PDLIM5: variants seen among roughly 807,000 people sequenced by gnomAD.
PDLIM5 encodes the protein PDZ and LIM domain protein 5.
A neutral mutation model predicts 64.2 loss-of-function variants in PDLIM5; 34 were observed. That is an observed-to-expected ratio of 0.53 (90% CI 0.40 to 0.71). The LOEUF (loss-of-function observed/expected upper bound fraction) is 0.71, where lower values mean the gene tolerates loss of function less well. PDLIM5 is among the 30% of genes least tolerant of loss of function. The pLI is 0.00. For missense variants in PDLIM5, 683 were observed against 733.6 expected (o/e 0.93, Z 0.80); for synonymous variants, 253 against 269.1 (o/e 0.94, Z 0.59).
At chr4:94,480,876 G>A (rs775672990) in intron 2 of PDLIM5, among the ~76,000 whole-genome samples, 3 of 152,138 alleles carry the variant, frequency 2.0e-5, no homozygotes, top group Non-Finnish European at 4.4e-5. Context: ...AAAACTGATC[G>A]TATTAGTCCT....
intron 8 of PDLIM5, among the ~76,000 whole-genome samples, chr4:94,638,778 A>G (rs909129397): frequency 2.6e-5 from 4 of 152,188 alleles, no homozygotes; most frequent in Non-Finnish European, 4.4e-5. Context: ...GTTGGTTTCA[A>G]TCCTCACTGT....
chr4:94,551,549 T>C (rs1291653671), intron 3 of PDLIM5, among the ~76,000 whole-genome samples: 2 of 152,170 alleles, frequency 1.3e-5, no homozygotes, highest in Non-Finnish European at 2.9e-5. Context: ...TTTCACTTCA[T>C]AGCCCATATT....
At chr4:94,561,404 A>G (rs1454131862) in intron 3 of PDLIM5, among the ~76,000 whole-genome samples, 1 of 152,224 alleles carries the variant, frequency 6.6e-6, no homozygotes, top group Non-Finnish European at 1.5e-5. Flanking sequence ...ACATTTTAGA[A>G]AAGCAGCCAA....
At chr4:94,517,973 T>C (rs1729508694) in intron 2 of PDLIM5, among the ~76,000 whole-genome samples, 1 of 152,200 alleles carries the variant, frequency 6.6e-6, no homozygotes, top group Admixed American at 6.6e-5. Flanking sequence ...TTTTCTTAGT[T>C]TGGCAACTGC....
intron 2 of PDLIM5, chr4:94,457,013 TCTTTA>T (rs1304558216): frequency 1.0e-6 from 1 of 965,436 alleles, no homozygotes; most frequent in Non-Finnish European, 1.2e-6. Context: ...GTTAGTTGTT[TCTTTA>T]ATCAGATATT....
At chr4:94,555,918 T>A (rs1400480253) in intron 3 of PDLIM5, among the ~76,000 whole-genome samples, 2 of 151,542 alleles carry the variant, frequency 1.3e-5, no homozygotes, top group East Asian at 1.9e-4. Flanking sequence ...TATATATTTT[T>A]ATTATACTTT....
intron 2 of PDLIM5, among the ~76,000 whole-genome samples, chr4:94,521,157 G>C (rs1246358749): frequency 1.3e-5 from 2 of 152,136 alleles, no homozygotes; most frequent in African/African-American, 4.8e-5. Context: ...CTACATTGTA[G>C]GAAGCAGAAG....
At chr4:94,554,792 T>C (rs1443582792) in intron 3 of PDLIM5, among the ~76,000 whole-genome samples, 1 of 152,238 alleles carries the variant, frequency 6.6e-6, no homozygotes, top group Non-Finnish European at 1.5e-5. Flanking sequence ...AGATACATTC[T>C]ATATCTATAT....
chr4:94,637,493 A>G (rs1440373388), intron 8 of PDLIM5, among the ~76,000 whole-genome samples: 1 of 152,156 alleles, frequency 6.6e-6, no homozygotes, highest in Non-Finnish European at 1.5e-5. Context: ...CTGGAGGTGG[A>G]GGTTGCAGTG....
intron 3 of PDLIM5, among the ~76,000 whole-genome samples, chr4:94,572,727 A>G (rs1464475961): frequency 6.6e-6 from 1 of 152,198 alleles, no homozygotes; most frequent in Non-Finnish European, 1.5e-5. Context: ...ACAGACACAG[A>G]TGGGGCATGG....
At chr4:94,513,503 C>CT (rs1178728730) in intron 2 of PDLIM5, among the ~76,000 whole-genome samples, 3 of 152,006 alleles carry the variant, frequency 2.0e-5, no homozygotes, top group Non-Finnish European at 2.9e-5. Context: ...AATGGGATTA[C>CT]TTTTTTGAAT....
At chr4:94,594,596 C>T (rs929868997) in intron 7 of PDLIM5, among the ~76,000 whole-genome samples, 5 of 151,908 alleles carry the variant, frequency 3.3e-5, no homozygotes, top group African/African-American at 4.8e-5. Context: ...TTATGTTATA[C>T]ATGCACACAC....
chr4:94,665,711 A>G lies in PDLIM5; in HGVS notation c.*1644A>G. The G allele has an allele frequency of 8.7e-7, 1 of 1,144,318 alleles. No homozygotes were observed. The highest frequency in any genetic ancestry group is 1.1e-6 in the Non-Finnish European group (1 of 932,338). The allele number at this position is 1,144,318 out of a possible 1,614,324, so 70.9% of individuals were successfully genotyped here. On this transcript the variant is annotated 3_prime_UTR_variant, in exon 13 of 13. Transcript: ENST00000317968. Reference sequence around the variant, plus strand: ...CGTTTTGTTTCTTCTTCTGCATTTAAAAATTAAAAGATTGGTTTGAGGATG... The same window carrying G: ...CGTTTTGTTTCTTCTTCTGCATTTAGAAATTAAAAGATTGGTTTGAGGATG...
intron 3 of PDLIM5, among the ~76,000 whole-genome samples, chr4:94,524,256 C>T (rs779230250): frequency 9.3e-5 from 14 of 151,120 alleles, no homozygotes; most frequent in Non-Finnish European, 1.8e-4. Context: ...GTAGTCCCAG[C>T]TATCCAGGAG....
At chr4:94,513,966 T>G (rs1729126558) in intron 2 of PDLIM5, among the ~76,000 whole-genome samples, 1 of 152,142 alleles carries the variant, frequency 6.6e-6, no homozygotes, top group African/African-American at 2.4e-5. Context: ...TTTTTCAGCA[T>G]CAATTGAAAT....
chr4:94,545,664 G>A (rs1026805454), intron 3 of PDLIM5, among the ~76,000 whole-genome samples: 1 of 152,134 alleles, frequency 6.6e-6, no homozygotes. Context: ...CAGGAAGCAC[G>A]ATCATCTTTC....
At chr4:94,551,683 G>A (rs967853182) in intron 3 of PDLIM5, among the ~76,000 whole-genome samples, 1 of 152,000 alleles carries the variant, frequency 6.6e-6, no homozygotes, top group Admixed American at 6.6e-5. Flanking sequence ...AAAAAGTCTT[G>A]ACACACAGGC....
chr4:94,469,540 A>G (rs1328789451), intron 2 of PDLIM5, among the ~76,000 whole-genome samples: 4 of 152,186 alleles, frequency 2.6e-5, no homozygotes, highest in African/African-American at 7.2e-5. Context: ...CAAGGAGGAA[A>G]GTGGAGTGAG....
At chr4:94,564,673 T>TTTTTTTTTTTTTTTTTTTG (rs1195951922) in intron 3 of PDLIM5, among the ~76,000 whole-genome samples, 3 of 144,858 alleles carry the variant, frequency 2.1e-5, no homozygotes, top group African/African-American at 8.3e-5. Context: ...TTTTTTTTTT[T>TTTTTTTTTTTTTTTTTTTG]TTGACAGAGT....
Sources: gnomAD v4.1 joint callset for allele counts (sites outside exome capture counted in the v4.1 genomes callset) on GRCh38, gnomAD v4.1.1 for gene constraint, MANE v1.5 for transcripts, NCBI Gene and HGNC (gene_info 2026-07-23, HGNC 2026-07-21) for gene names.